SLC25A13: variants seen among roughly 807,000 people sequenced by gnomAD.
SLC25A13 encodes electrogenic aspartate/glutamate antiporter SLC25A13, mitochondrial.
In SLC25A13, 70 loss-of-function variants were observed where a neutral mutation model predicts 85.5. The observed-to-expected ratio is 0.82, with a 90% CI of 0.68 to 1.00. The LOEUF is 1.00. Ranked by LOEUF, SLC25A13 falls within the 50% of genes least tolerant of loss-of-function variation. The probability of loss-of-function intolerance (pLI) is 0.00; values close to 1 mark genes in which losing one functional copy is unlikely to be tolerated. For synonymous variants in SLC25A13, 259 were observed against 288.7 expected (o/e 0.90, Z 1.04); for missense variants, 765 against 819.8 (o/e 0.93, Z 0.82).
At chr7:96,278,622 T>G (rs1276011572) in intron 2 of SLC25A13, among the ~76,000 whole-genome samples, 1 of 152,186 alleles carries the variant, frequency 6.6e-6, no homozygotes, top group African/African-American at 2.4e-5. Flanking sequence ...GCTAGAAATA[T>G]TTAAATGAGA....
intron 2 of SLC25A13, among the ~76,000 whole-genome samples, chr7:96,290,487 G>T (rs916592247): frequency 2.0e-5 from 3 of 151,582 alleles, no homozygotes; most frequent in African/African-American, 7.3e-5. Context: ...TGGCAAATTG[G>T]ATAAAGAGTC....
chr7:96,258,189 A>G (rs1038794167), intron 3 of SLC25A13, among the ~76,000 whole-genome samples: 1 of 152,192 alleles, frequency 6.6e-6, no homozygotes, highest in African/African-American at 2.4e-5. Context: ...CACCACTCCT[A>G]TTCAAAATAG....
chr7:96,272,744 T>C (rs1181777662), intron 3 of SLC25A13, among the ~76,000 whole-genome samples: 2 of 152,164 alleles, frequency 1.3e-5, no homozygotes, highest in African/African-American at 4.8e-5. Context: ...GTAATTTATG[T>C]TGATAAAAAA....
intron 1 of SLC25A13, among the ~76,000 whole-genome samples, chr7:96,299,949 G>A (rs1216930791): frequency 1.3e-5 from 2 of 152,186 alleles, no homozygotes; most frequent in African/African-American, 2.4e-5. Context: ...TGGAACACCT[G>A]TACAGGGCAG....
At chr7:96,128,938 T>TTCTCTCTCTC (rs1791867164) in intron 15 of SLC25A13, among the ~76,000 whole-genome samples, 1 of 31,310 alleles carries the variant, frequency 3.2e-5, no homozygotes, top group African/African-American at 9.6e-5. Context: ...CTGCCTTGCT[T>TTCTCTCTCTC]GCTCTCTCTC....
At chr7:96,244,243 A>G (rs1465464779) in intron 3 of SLC25A13, among the ~76,000 whole-genome samples, 1 of 152,194 alleles carries the variant, frequency 6.6e-6, no homozygotes, top group Non-Finnish European at 1.5e-5. Context: ...TATGGCAGTC[A>G]CAGGCACAGA....
At chr7:96,264,086 C>T (rs888229673) in intron 3 of SLC25A13, among the ~76,000 whole-genome samples, 10 of 152,258 alleles carry the variant, frequency 6.6e-5, no homozygotes, top group South Asian at 2.1e-4. Flanking sequence ...CTCCCTTGCA[C>T]GCCCCTGCAC....
chr7:96,171,387 C>T (rs1793992641), intron 12 of SLC25A13, 85 bp downstream of exon 12: 5 of 1,255,376 alleles, frequency 4.0e-6, no homozygotes, highest in African/African-American at 2.9e-5. Flanking sequence ...AGAAAACAAA[C>T]CTGCTGTTTC....
At chr7:96,230,422 T>C (rs961729730) in intron 4 of SLC25A13, among the ~76,000 whole-genome samples, 3 of 152,222 alleles carry the variant, frequency 2.0e-5, no homozygotes, top group Admixed American at 6.5e-5. Context: ...CAGAAAGATG[T>C]ACACTTAACA....
chr7:96,240,291 G>A (rs1326623579), intron 3 of SLC25A13, among the ~76,000 whole-genome samples: 2 of 152,148 alleles, frequency 1.3e-5, no homozygotes, highest in South Asian at 2.1e-4. Context: ...CTGAAATTGC[G>A]AACACATGAC....
chr7:96,128,305 G>A (rs1180863893), intron 15 of SLC25A13, among the ~76,000 whole-genome samples: 1 of 151,768 alleles, frequency 6.6e-6, no homozygotes, highest in Admixed American at 6.6e-5. Context: ...ATTTTACCAT[G>A]CTGACTGGAA....
chr7:96,260,217 G>C (rs1797801836), intron 3 of SLC25A13, among the ~76,000 whole-genome samples: 1 of 151,788 alleles, frequency 6.6e-6, no homozygotes, highest in African/African-American at 2.4e-5. Flanking sequence ...AATTAAAAAA[G>C]GGGGAGATTC....
intron 9 of SLC25A13, among the ~76,000 whole-genome samples, chr7:96,185,439 T>C (rs186979899): frequency 6.6e-6 from 1 of 151,486 alleles, no homozygotes; most frequent in Non-Finnish European, 1.5e-5. Flanking sequence ...CTCTATAATA[T>C]AACACAAAAA....
chr7:96,211,635 G>A lies in SLC25A13; in HGVS notation c.329-2658C>T, dbSNP rs143153798. 6.2e-3 allele frequency among the ~76,000 whole-genome samples: 937 copies of A among 152,308 alleles called. 5 individuals carry two copies. The highest frequency in any genetic ancestry group is 0.01 in the Non-Finnish European group (691 of 68,028). ...TTCTACCACTATGGCTGGCACAGTGGTAGGCAGAGAGCAACTGCTCACTAA... is the reference window on the plus strand; with the variant it reads ...TTCTACCACTATGGCTGGCACAGTGATAGGCAGAGAGCAACTGCTCACTAA... On this transcript the variant is annotated intron_variant, in intron 4 of 17. Coordinates refer to ENST00000265631, the MANE Select transcript of SLC25A13 (RefSeq NM_014251.3).
intron 1 of SLC25A13, among the ~76,000 whole-genome samples, chr7:96,321,227 C>A (rs1202211122): frequency 6.6e-6 from 1 of 152,162 alleles, no homozygotes; most frequent in Non-Finnish European, 1.5e-5. Context: ...GAACCCCTTT[C>A]AAGTACAACT....
chr7:96,198,231 T>C (rs1195794759), intron 5 of SLC25A13, among the ~76,000 whole-genome samples: 1 of 152,152 alleles, frequency 6.6e-6, no homozygotes, highest in Non-Finnish European at 1.5e-5. Context: ...TTCTACAGAA[T>C]AGGCACAACA....
At chr7:96,268,086 C>A (rs1380900525) in intron 3 of SLC25A13, among the ~76,000 whole-genome samples, 1 of 152,136 alleles carries the variant, frequency 6.6e-6, no homozygotes, top group Non-Finnish European at 1.5e-5. Context: ...ACAGACAGTG[C>A]TTGGTACCCG....
chr7:96,155,876 A>T (rs1168721173), intron 13 of SLC25A13, among the ~76,000 whole-genome samples: 1 of 150,388 alleles, frequency 6.6e-6, no homozygotes, highest in Non-Finnish European at 1.5e-5. Flanking sequence ...TAGAGATGAG[A>T]TGGAGGCAGA....
chr7:96,211,387 A>C (rs1344753501), intron 4 of SLC25A13, among the ~76,000 whole-genome samples: 1 of 152,158 alleles, frequency 6.6e-6, no homozygotes, highest in Non-Finnish European at 1.5e-5. Context: ...ATAGGCCTGT[A>C]CTACCAATAA....
Sources: gnomAD v4.1 joint callset for allele counts (sites outside exome capture counted in the v4.1 genomes callset) on GRCh38, gnomAD v4.1.1 for gene constraint, MANE v1.5 for transcripts, NCBI Gene and HGNC (gene_info 2026-07-23, HGNC 2026-07-21) for gene names.